KCNT2: variants seen among roughly 807,000 people sequenced by gnomAD.
KCNT2 encodes the protein potassium channel subfamily T member 2.
Under a neutral mutation model 153.8 loss-of-function variants are expected in KCNT2, and 67 were observed. The ratio of observed to expected loss-of-function variants is 0.44; its 90% CI spans 0.36 to 0.53. The LOEUF is 0.53. Ranked by LOEUF, KCNT2 falls within the 20% of genes least tolerant of loss-of-function variation. The probability of loss-of-function intolerance (pLI) is 0.00; values close to 1 mark genes in which losing one functional copy is unlikely to be tolerated. For missense variants in KCNT2, 975 were observed against 1,354.8 expected, an observed-to-expected ratio of 0.72 and a Z score of 4.40; for synonymous variants, 500 against 458.8, an observed-to-expected ratio of 1.09 and a Z score of -1.15.
At chr1:196,541,777 A>G (rs953507116) in intron 1 of KCNT2, among the ~76,000 whole-genome samples, 7 of 152,108 alleles carry the variant, frequency 4.6e-5, no homozygotes, top group Admixed American at 6.5e-5. Flanking sequence ...TAATAATTCT[A>G]TACTATTAAC....
chr1:196,334,831 G>A (rs1664857097), intron 16 of KCNT2, among the ~76,000 whole-genome samples: 1 of 151,942 alleles, frequency 6.6e-6, no homozygotes, highest in Non-Finnish European at 1.5e-5. Flanking sequence ...GCAGGGAGAG[G>A]AATGGAATTT....
At chr1:196,558,250 A>G (rs1285218493) in intron 1 of KCNT2, among the ~76,000 whole-genome samples, 2 of 151,536 alleles carry the variant, frequency 1.3e-5, no homozygotes, top group African/African-American at 2.4e-5. Context: ...TCACATGAAA[A>G]TATGCACATT....
intron 1 of KCNT2, among the ~76,000 whole-genome samples, chr1:196,589,264 A>AGTGTGT (rs10625619): frequency 2.0e-5 from 3 of 150,528 alleles, no homozygotes; most frequent in Non-Finnish European, 4.4e-5. Flanking sequence ...TATAAAAAAA[A>AGTGTGT]GTGTGTGTGT....
At chr1:196,603,714 C>G (rs539234609) in intron 1 of KCNT2, among the ~76,000 whole-genome samples, 1 of 150,092 alleles carries the variant, frequency 6.7e-6, no homozygotes, top group East Asian at 2.0e-4. Context: ...GGATTTGAAA[C>G]AAGTGACCTG....
intron 1 of KCNT2, among the ~76,000 whole-genome samples, chr1:196,547,811 C>T (rs917439192): frequency 1.3e-5 from 2 of 151,450 alleles, no homozygotes; most frequent in Admixed American, 1.3e-4. Context: ...AGCAATACAT[C>T]TTCTTTTAGA....
chr1:196,573,620 T>C (rs557653544), intron 1 of KCNT2, among the ~76,000 whole-genome samples: 3 of 150,390 alleles, frequency 2.0e-5, no homozygotes, highest in Non-Finnish European at 4.4e-5. Context: ...AAATAACTAA[T>C]AAATAAAATA....
intron 25 of KCNT2, among the ~76,000 whole-genome samples, chr1:196,260,137 G>C (rs746245400): frequency 6.6e-6 from 1 of 151,754 alleles, no homozygotes; most frequent in Non-Finnish European, 1.5e-5. Flanking sequence ...TATTTGAAGT[G>C]ATCTTTTTGT....
At position 196,340,795 on chromosome 1, in the gene KCNT2, A is replaced by T. The variant is rs555541154; in HGVS notation, c.1554-225T>A. Among the ~76,000 whole-genome samples the T allele has an allele frequency of 2.6e-5, 4 of 152,176 alleles. No individual in the cohort carries two copies. The East Asian group carries it at 7.7e-4, about 29-fold the overall frequency. ...CATTTTAATGAAAATGAATGGAAGAACATAAGAAACATGAGTGCATGTATA... is the reference window on the plus strand; with the variant it reads ...CATTTTAATGAAAATGAATGGAAGATCATAAGAAACATGAGTGCATGTATA... On this transcript the variant is annotated intron_variant, in intron 15 of 27. Transcript: ENST00000294725.
chr1:196,566,107 T>TA (rs1365209028), intron 1 of KCNT2, among the ~76,000 whole-genome samples: 1 of 151,862 alleles, frequency 6.6e-6, no homozygotes, highest in African/African-American at 2.4e-5. Flanking sequence ...AATGAATTTG[T>TA]AAAAAAGAAA....
chr1:196,493,559 A>G lies in KCNT2; in HGVS notation c.96-1218T>C, dbSNP rs527859750. On this transcript the variant is annotated intron_variant, in intron 1 of 27. Coordinates refer to ENST00000294725, the MANE Select transcript of KCNT2 (RefSeq NM_198503.5). Reference sequence around the variant, plus strand: ...ACAAAAGCAACAGGGCATTTTTTTTAATTTTATTATACTTTAAGTTCTGAG... The same window carrying G: ...ACAAAAGCAACAGGGCATTTTTTTTGATTTTATTATACTTTAAGTTCTGAG... 3.9e-5 allele frequency among the ~76,000 whole-genome samples: 6 copies of G among 152,030 alleles called. 1 individual carries two copies. The highest frequency in any genetic ancestry group is 7.4e-5 in the Non-Finnish European group (5 of 67,950).
chr1:196,594,947 A>G (rs976255147), intron 1 of KCNT2, among the ~76,000 whole-genome samples: 2 of 152,184 alleles, frequency 1.3e-5, no homozygotes, highest in Non-Finnish European at 2.9e-5. Context: ...TTAACGGCAT[A>G]CCATAGGTTT....
chr1:196,238,034 A>C (rs1014504416), intron 26 of KCNT2, among the ~76,000 whole-genome samples: 2 of 151,918 alleles, frequency 1.3e-5, no homozygotes, highest in African/African-American at 4.8e-5. Flanking sequence ...ATAATCTAAA[A>C]AGTAAGAGGT....
At chr1:196,290,097 A>G (rs1160775167) in intron 22 of KCNT2, among the ~76,000 whole-genome samples, 1 of 152,100 alleles carries the variant, frequency 6.6e-6, no homozygotes, top group East Asian at 1.9e-4. Context: ...GGTAAAAAAA[A>G]AAATCAAGAA....
intron 5 of KCNT2, among the ~76,000 whole-genome samples, chr1:196,471,031 C>A (rs1678056601): frequency 6.6e-6 from 1 of 151,702 alleles, no homozygotes; most frequent in Non-Finnish European, 1.5e-5. Context: ...CAGGCACCCA[C>A]CACCACGCCC....
intron 1 of KCNT2, among the ~76,000 whole-genome samples, chr1:196,548,481 C>A (rs530543346): frequency 1.3e-5 from 2 of 151,694 alleles, no homozygotes; most frequent in Non-Finnish European, 3.0e-5. Context: ...GTTAGAATGG[C>A]AATCATTAAA....
intron 3 of KCNT2, among the ~76,000 whole-genome samples, chr1:196,485,613 C>T (rs1047393419): frequency 1.3e-5 from 2 of 151,416 alleles, no homozygotes; most frequent in African/African-American, 2.4e-5. Context: ...TAGACTATGT[C>T]TTGTGAAATA....
At chr1:196,374,405 C>CT (rs975001672) in intron 13 of KCNT2, among the ~76,000 whole-genome samples, 1 of 151,720 alleles carries the variant, frequency 6.6e-6, no homozygotes, top group African/African-American at 2.4e-5. Context: ...TAGCATACTA[C>CT]TTTTTATTTT....
At chr1:196,378,716 C>T (rs1669186869) in intron 13 of KCNT2, among the ~76,000 whole-genome samples, 1 of 147,078 alleles carries the variant, frequency 6.8e-6, no homozygotes, top group South Asian at 2.1e-4. Context: ...ATATATGAAA[C>T]AGCAATATAA....
chr1:196,414,495 A>G (rs932309350), intron 12 of KCNT2, among the ~76,000 whole-genome samples: 2 of 151,854 alleles, frequency 1.3e-5, no homozygotes, highest in African/African-American at 2.4e-5. Flanking sequence ...CCTAACAAAT[A>G]TTTCTCCAAG....
Sources: gnomAD v4.1 joint callset for allele counts (sites outside exome capture counted in the v4.1 genomes callset) on GRCh38, gnomAD v4.1.1 for gene constraint, MANE v1.5 for transcripts, NCBI Gene and HGNC (gene_info 2026-07-23, HGNC 2026-07-21) for gene names.